CEL: variants seen among roughly 807,000 people sequenced by gnomAD.
CEL encodes carboxyl ester lipase, also known as bile salt-activated lipase.
In CEL, 39 loss-of-function variants were observed where a neutral mutation model predicts 57.1. The ratio of observed to expected loss-of-function variants is 0.68; its 90% CI spans 0.53 to 0.89. CEL has a LOEUF of 0.89. Ranked by LOEUF, CEL falls within the 40% of genes least tolerant of loss-of-function variation. The pLI, the probability that CEL is intolerant of heterozygous loss-of-function variation, is 0.00. For synonymous variants in CEL, 314 were observed against 396.6 expected (o/e 0.79, Z 2.48); for missense variants, 698 against 915.0 (o/e 0.76, Z 3.06).
chr9:133,064,441 G>T lies in CEL; in HGVS notation c.104G>T (p.Gly35Val). The T allele has an allele frequency of 6.2e-7, 1 of 1,614,128 alleles. No homozygotes were observed. The highest frequency in any genetic ancestry group is 8.5e-7 in the Non-Finnish European group (1 of 1,180,018). Residue 35 changes from glycine to valine, a missense_variant, in exon 2 of 11, where the codon GGC becomes GTC. By Grantham distance (109) the Gly-to-Val change is moderately radical (BLOSUM62 -3). Coordinates refer to ENST00000372080, the MANE Select transcript of CEL (RefSeq NM_001807.6). The stretch of plus-strand genomic sequence containing the variant: ...TACACAGAAGGTGGGTTCGTGGAAG[G>T]CGTCAATAAGAAGCTCGGCCTCCTG... ...AVYTEGGFVE[G>V]VNKKLGLLGD... is the part of the protein sequence containing the mutation.
In CEL at chr9:133,071,525, G is replaced by A; in HGVS notation, c.2023G>A (p.Asp675Asn). ...SGAPPVPPTG[D>N]AGPPPVPPTG... Reference sequence around the variant, plus strand: ...CGCCCCCCCCGTGCCGCCCACGGGTGACGCCGGGCCCCCCCCCGTGCCGCC... The same window carrying A: ...CGCCCCCCCCGTGCCGCCCACGGGTAACGCCGGGCCCCCCCCCGTGCCGCC... Residue 675 changes from aspartate to asparagine, a missense_variant, in exon 11 of 11, where the codon GAC becomes AAC. Transcript: ENST00000372080. 1.1e-6 allele frequency: 1 copy of A among 870,316 alleles called. No individual in the cohort carries two copies. The highest frequency in any genetic ancestry group is 1.7e-5 in the South Asian group (1 of 58,602). The allele number at this position is 870,316 out of a possible 1,614,324, so 53.9% of individuals were successfully genotyped here.
Position 133,070,570 on chromosome 9 carries a change from C to A in CEL, c.1396C>A (p.Pro466Thr). 1 of 1,614,158 alleles carries A rather than the reference C, an allele frequency of 6.2e-7. No individual in the cohort carries two copies. Residue 466 changes from proline (P) to threonine (T), a missense_variant, in exon 10 of 11, where the codon CCC becomes ACC. By Grantham distance (38) the Pro-to-Thr change is conservative. Around this residue, in one of 6 missense-constraint regions of CEL, gnomAD observed 111 missense variants for 147.3 expected, o/e 0.75. Transcript: ENST00000372080. ...ADDIQYVFGK[P>T]FATPTGYRPQ... ...TGACATTCAGTACGTTTTCGGGAAG[C>A]CCTTCGCCACCCCCACGGGCTACCG...
chr9:133,062,762 T>C (rs922627748), intron 1 of CEL, among the ~76,000 whole-genome samples: 20 of 151,278 alleles, frequency 1.3e-4, no homozygotes, highest in Non-Finnish European at 2.8e-4. Flanking sequence ...GCAGGGAGTG[T>C]GGAGAGCAGG....
Position 133,071,804 on chromosome 9 carries a change from G to A in CEL, c.*40G>A. On this transcript the variant is annotated 3_prime_UTR_variant, in exon 11 of 11. Transcript: ENST00000372080. ...TGGTATCAAGAGGCCACAAGAGTGG[G>A]ACCCCAGGGGCTCCCCTCCCATCTT... 1 of 1,573,398 alleles carries A rather than the reference G, an allele frequency of 6.4e-7. No homozygotes were observed. The highest frequency in any genetic ancestry group is 8.7e-7 in the Non-Finnish European group (1 of 1,145,122).
Position 133,064,448 on chromosome 9 carries a change from T to G in CEL, c.111T>G (p.Asn37Lys), listed in dbSNP as rs371915512. ...AAGGTGGGTTCGTGGAAGGCGTCAA[T>G]AAGAAGCTCGGCCTCCTGGGTGACT... Reference protein sequence around the residue: ...YTEGGFVEGVNKKLGLLGDSV... With the variant: ...YTEGGFVEGVKKKLGLLGDSV... Residue 37 changes from asparagine (N) to lysine (K), a missense_variant, in exon 2 of 11, where the codon AAT (asparagine) becomes AAG (lysine). By Grantham distance (94) the Asn-to-Lys change is moderately conservative (BLOSUM62 0). This residue lies in a region of CEL where 327 missense variants were observed against 374.1 expected (regional missense o/e 0.87). Transcript: ENST00000372080. The G allele has an allele frequency of 2.8e-5, 45 of 1,613,996 alleles. No individual in the cohort carries two copies. In the African/African-American group the frequency reaches 4.9e-4, roughly 18 times the overall value.
chr9:133,064,866 T>A (rs1830149941), intron 3 of CEL, 104 bp downstream of exon 3: 3 of 1,586,620 alleles, frequency 1.9e-6, no homozygotes, highest in Non-Finnish European at 2.6e-6. Context: ...TTCCATGAAA[T>A]CCCACAGAGG....
intron 7 of CEL, among the ~76,000 whole-genome samples, chr9:133,067,567 G>A (rs192725444): frequency 6.6e-6 from 1 of 152,256 alleles, no homozygotes; most frequent in Admixed American, 6.5e-5. Context: ...TAGGGATGGA[G>A]TTTCATCGTG....
At position 133,070,592 on chromosome 9, in the gene CEL, A is replaced by G. The variant is rs1481729157; in HGVS notation, c.1418A>G (p.Tyr473Cys). The G allele has an allele frequency of 2.5e-6, 4 of 1,614,162 alleles. No homozygotes were observed. The highest frequency in any genetic ancestry group is 2.2e-5 in the East Asian group (1 of 44,878). ...FGKPFATPTGYRPQDRTVSKA... is the reference protein window; with the variant it reads ...FGKPFATPTGCRPQDRTVSKA... ...AAGCCCTTCGCCACCCCCACGGGCT[A>G]CCGGCCCCAAGACAGGACAGTCTCT... Residue 473 changes from tyrosine (Y) to cysteine (C), a missense_variant, in exon 10 of 11, where the codon TAC (tyrosine) becomes TGC (cysteine). Around this residue, in one of 6 missense-constraint regions of CEL, gnomAD observed 111 missense variants for 147.3 expected, o/e 0.75. Transcript: ENST00000372080.
At chr9:133,063,371 A>C (rs1178900161) in intron 1 of CEL, among the ~76,000 whole-genome samples, 3 of 152,152 alleles carry the variant, frequency 2.0e-5, no homozygotes, top group Admixed American at 6.5e-5. Flanking sequence ...CGATGCCTGC[A>C]TGTGTTGCTT....
At position 133,066,459 on chromosome 9, in the gene CEL, C is replaced by G; in HGVS notation, c.539-71C>G. On this transcript the variant is annotated intron_variant, in intron 4 of 10. Transcript: ENST00000372080. This position sits in a 1 kb window ranked among gnomAD's most constrained non-coding sequence, Gnocchi z 4.3. Reference sequence around the variant, plus strand: ...TGAGGGCATTTCCACCCCACCTATGCTGATCTCCCCTCCTGGAGGCCAGGC... The same window carrying G: ...TGAGGGCATTTCCACCCCACCTATGGTGATCTCCCCTCCTGGAGGCCAGGC... 1 of 1,597,336 alleles carries G rather than the reference C, an allele frequency of 6.3e-7. No homozygotes were observed.
rs1040824678 is a variant in CEL, at chr9:133,066,252, A to G, written c.539-278A>G. 3.3e-5 allele frequency among the ~76,000 whole-genome samples: 5 copies of G among 150,560 alleles called. No individual in the cohort carries two copies. Among genetic ancestry groups the G allele is most frequent in the Non-Finnish European group, 7.4e-5 (5 of 67,602 alleles). ...CCCCCTCCAGCACCACACCAACCCA[A>G]CCTCCTGGGGACCCACCCCATACAG... On this transcript the variant is annotated intron_variant, in intron 4 of 10. Coordinates refer to ENST00000372080, the MANE Select transcript of CEL (RefSeq NM_001807.6). This position sits in a 1 kb window ranked among gnomAD's most constrained non-coding sequence, Gnocchi z 4.3.
intron 7 of CEL, among the ~76,000 whole-genome samples, chr9:133,068,212 A>G (rs760229214): frequency 9.2e-5 from 14 of 152,134 alleles, no homozygotes; most frequent in Non-Finnish European, 2.1e-4. Context: ...TCTGGAGTAC[A>G]ATGCAGACCT....
chr9:133,065,876 G>A (rs1830170875), intron 4 of CEL, among the ~76,000 whole-genome samples: 1 of 148,720 alleles, frequency 6.7e-6, no homozygotes, highest in Non-Finnish European at 1.5e-5. Context: ...AAAATAGCCA[G>A]GCGTGGTATC....
chr9:133,071,748 C>T lies in CEL; in HGVS notation c.2246C>T (p.Ala749Val), dbSNP rs1164412150. The change falls in exon 11 of 11, where the codon GCA (alanine) becomes GTA (valine). Residue 749 changes from alanine to valine, a missense_variant. Ala to Val is a moderately conservative substitution (Grantham distance 64, BLOSUM62 0). This residue lies in a region of CEL where 238 missense variants were observed against 213.7 expected (regional missense o/e 1.11). Coordinates refer to ENST00000372080, the MANE Select transcript of CEL (RefSeq NM_001807.6). ...GACTCCAAGGAAGCTCAGATGCCTG[C>T]AGTCATTAGGTTTTAGCGTCCCATG... ...TDDSKEAQMP[A>V]VIRF is the part of the protein sequence containing the mutation. 6.2e-7 allele frequency: 1 copy of T among 1,612,362 alleles called. No individual in the cohort carries two copies. The highest frequency in any genetic ancestry group is 8.5e-7 in the Non-Finnish European group (1 of 1,179,402).
Position 133,067,218 on chromosome 9 carries a change from T to A in CEL, c.895+13T>A. ...GCAGGCCTGGAGTGTGAGTAGCTGC[T>A]CGGGTTGGCCCATGGGGTCTCGAGG... On this transcript the variant is annotated intron_variant, in intron 7 of 10. Transcript: ENST00000372080. 6.2e-7 allele frequency: 1 copy of A among 1,611,636 alleles called. No homozygotes were observed. Among genetic ancestry groups the A allele is most frequent in the South Asian group, 1.1e-5 (1 of 90,976 alleles).
chr9:133,070,477 G>A lies in CEL; in HGVS notation c.1303G>A (p.Ala435Thr), dbSNP rs376488675. 12 of 1,613,292 alleles carry A rather than the reference G, an allele frequency of 7.4e-6. No homozygotes were observed. The African/African-American group carries it at 8.0e-5, about 11-fold the overall frequency. Residue 435 changes from alanine to threonine, a missense_variant, in exon 10 of 11, where the codon GCC (alanine) becomes ACC (threonine). Coordinates refer to ENST00000372080, the MANE Select transcript of CEL (RefSeq NM_001807.6). ...CCCCTCCAGGAGTGCCAAGACCTACGCCTACCTGTTTTCCCATCCCTCTCG... is the reference window on the plus strand; with the variant it reads ...CCCCTCCAGGAGTGCCAAGACCTACACCTACCTGTTTTCCCATCCCTCTCG... Reference protein sequence around the residue: ...RANAKSAKTYAYLFSHPSRMP... With the variant: ...RANAKSAKTYTYLFSHPSRMP...
intron 3 of CEL, 48 bp downstream of exon 3, chr9:133,064,810 C>A: frequency 6.2e-7 from 1 of 1,612,512 alleles, no homozygotes; most frequent in Non-Finnish European, 8.5e-7. Flanking sequence ...GCAGCCACTG[C>A]CCCGGGTCTA....
rs745748354 is a variant in CEL, at chr9:133,067,157, C to G, written c.847C>G (p.Pro283Ala). ...RMAQCLKVTDPRALTLAYKVP... is the reference protein window; with the variant it reads ...RMAQCLKVTDARALTLAYKVP... ...GGCCCAGTGTCTGAAGGTTACTGAT[C>G]CCCGAGCCCTGACGCTGGCCTATAA... Residue 283 changes from proline to alanine, a missense_variant, in exon 7 of 11, where the codon CCC (proline) becomes GCC (alanine). By Grantham distance (27) the Pro-to-Ala change is conservative. Transcript: ENST00000372080. 1.2e-6 allele frequency: 2 copies of G among 1,614,020 alleles called. No individual in the cohort carries two copies. The highest frequency in any genetic ancestry group is 2.2e-5 in the South Asian group (2 of 91,068).
At chr9:133,063,725 G>T (rs1030544127) in intron 1 of CEL, among the ~76,000 whole-genome samples, 2 of 152,182 alleles carry the variant, frequency 1.3e-5, no homozygotes, top group African/African-American at 4.8e-5. Context: ...CAGGCCCCTC[G>T]TGGGGGTGGA....
Sources: allele counts gnomAD v4.1 joint callset (sites outside exome capture counted in the v4.1 genomes callset), GRCh38; gene constraint gnomAD v4.1.1; regional missense constraint gnomAD v4.1.1; non-coding constraint Gnocchi (gnomAD v3.1); transcripts MANE v1.5; gene names NCBI Gene and HGNC (gene_info 2026-07-23, HGNC 2026-07-21).